Variants in SCG5 observed in about 807,000 individuals in gnomAD.
The protein encoded by SCG5 is secretogranin V.
In SCG5, 18 loss-of-function variants were observed where a neutral mutation model predicts 25.7. The observed-to-expected ratio is 0.70, with a 90% CI of 0.48 to 1.04. The LOEUF (loss-of-function observed/expected upper bound fraction) is 1.04, where lower values mean the gene tolerates loss of function less well. Among genes scored for constraint, SCG5 ranks in the 50% least tolerant of loss-of-function variants. The pLI is 0.00. For missense variants in SCG5, 206 were observed against 259.8 expected (o/e 0.79, Z 1.42); for synonymous variants, 101 against 91.7 (o/e 1.10, Z -0.58).
intron 2 of SCG5, 105 bp from the exon 3 acceptor site, chr15:32,679,661 C>G (rs2054581681): frequency 1.6e-6 from 2 of 1,247,190 alleles, no homozygotes; most frequent in Non-Finnish European, 2.3e-6. Flanking sequence ...TTTTCTCTCC[C>G]CACAGCAGAA....
At chr15:32,682,857 G>A (rs1489856569) in intron 3 of SCG5, among the ~76,000 whole-genome samples, 1 of 152,138 alleles carries the variant, frequency 6.6e-6, no homozygotes, top group African/African-American at 2.4e-5. Flanking sequence ...TAGAGCAGCA[G>A]AGCTCAAAGA....
Position 32,672,306 on chromosome 15 carries a change from G to A in SCG5, c.227-7460G>A, listed in dbSNP as rs578063504. On this transcript the variant is annotated intron_variant, in intron 2 of 5. Coordinates refer to ENST00000300175, the MANE Select transcript of SCG5 (RefSeq NM_001144757.3). Reference sequence around the variant, plus strand: ...CAATTCTTTATTGCCCAGCGCCAGTGCCCAATTGCATGAATCCCCAGGGCT... The same window carrying A: ...CAATTCTTTATTGCCCAGCGCCAGTACCCAATTGCATGAATCCCCAGGGCT... Among the ~76,000 whole-genome samples the A allele has an allele frequency of 3.9e-5, 6 of 152,360 alleles. No individual in the cohort carries two copies. The East Asian group carries it at 1.2e-3, about 29-fold the overall frequency.
At chr15:32,677,467 A>G (rs1392708695) in intron 2 of SCG5, 1 of 152,242 alleles carries the variant, frequency 6.6e-6, no homozygotes, top group African/African-American at 2.4e-5. Context: ...AATCCAACGA[A>G]GAGCTGGCTC....
At chr15:32,691,679 C>A (rs1309928893) in intron 4 of SCG5, 31 bp from the exon 5 acceptor site, 1 of 1,553,838 alleles carries the variant, frequency 6.4e-7, no homozygotes, top group Non-Finnish European at 8.8e-7. Context: ...CATACTTCTG[C>A]ATTTTTTGTT....
intron 2 of SCG5, among the ~76,000 whole-genome samples, chr15:32,645,103 C>T (rs1465944570): frequency 1.3e-5 from 2 of 152,250 alleles, no homozygotes; most frequent in African/African-American, 2.4e-5. Context: ...AGCTTCCTGT[C>T]ATCCCTTTTA....
chr15:32,696,807 T>C lies in SCG5; in HGVS notation c.*198T>C, dbSNP rs1397499022. On this transcript the variant is annotated 3_prime_UTR_variant, in exon 6 of 6. Transcript: ENST00000300175. ...TGCTAAATTAGAATAAGAGCTTTTT[T>C]GTTTCTTGGGTTTTTAAAATGTGAA... 4.7e-6 allele frequency: 2 copies of C among 429,524 alleles called. No individual in the cohort carries two copies. The highest frequency in any genetic ancestry group is 4.0e-5 in the African/African-American group (2 of 49,962). 26.6% of individuals were successfully genotyped at this position (429,524 alleles called of 1,614,324 possible). A position where few individuals can be genotyped will look rare whatever the true frequency, so the allele number is the denominator to read the frequency against.
At chr15:32,665,269 AT>A (rs1338564367) in intron 2 of SCG5, among the ~76,000 whole-genome samples, 3 of 151,964 alleles carry the variant, frequency 2.0e-5, no homozygotes, top group Non-Finnish European at 2.9e-5. Context: ...TTGTCAAGAA[AT>A]TTTTTTCTAT....
At chr15:32,657,199 G>GTATATATATATATATA (rs71113463) in intron 2 of SCG5, among the ~76,000 whole-genome samples, 127 of 6,642 alleles carry the variant, frequency 0.019, 34 homozygotes, top group East Asian at 0.035. Context: ...TCATCCTCCT[G>GTATATATATATATATA]TATATATATA....
chr15:32,683,527 T>C (rs1373711521), intron 3 of SCG5, among the ~76,000 whole-genome samples: 1 of 152,244 alleles, frequency 6.6e-6, no homozygotes. Flanking sequence ...AGTCATAGTA[T>C]AAACTGTCAG....
intron 2 of SCG5, among the ~76,000 whole-genome samples, chr15:32,646,194 T>C (rs1343316502): frequency 6.6e-6 from 1 of 152,266 alleles, no homozygotes; most frequent in African/African-American, 2.4e-5. Flanking sequence ...TTTCTATTAC[T>C]GTATAACAAA....
chr15:32,687,082 G>A (rs1187485108), intron 4 of SCG5, among the ~76,000 whole-genome samples: 1 of 151,856 alleles, frequency 6.6e-6, no homozygotes, highest in Non-Finnish European at 1.5e-5. Flanking sequence ...AAAGGAGGGA[G>A]ACTGAGTCAA....
At chr15:32,662,316 C>T (rs1457099144) in intron 2 of SCG5, among the ~76,000 whole-genome samples, 1 of 152,184 alleles carries the variant, frequency 6.6e-6, no homozygotes, top group Non-Finnish European at 1.5e-5. Context: ...ACTTATATGG[C>T]TGTGCTTTCT....
chr15:32,659,750 C>T (rs989333982), intron 2 of SCG5, among the ~76,000 whole-genome samples: 2 of 152,158 alleles, frequency 1.3e-5, no homozygotes, highest in Non-Finnish European at 2.9e-5. Flanking sequence ...GAGTGACTAA[C>T]GTTTTCCTCT....
At chr15:32,662,367 A>C (rs1249487982) in intron 2 of SCG5, among the ~76,000 whole-genome samples, 1 of 152,174 alleles carries the variant, frequency 6.6e-6, no homozygotes, top group African/African-American at 2.4e-5. Context: ...CTTGTTAACT[A>C]TAAGTATTAA....
At chr15:32,668,130 G>A (rs560824505) in intron 2 of SCG5, among the ~76,000 whole-genome samples, 17 of 152,162 alleles carry the variant, frequency 1.1e-4, no homozygotes, top group Non-Finnish European at 2.1e-4. Context: ...CACACCACGT[G>A]CCTTCTCCTC....
chr15:32,645,601 G>A (rs2053930721), intron 2 of SCG5, among the ~76,000 whole-genome samples: 1 of 152,166 alleles, frequency 6.6e-6, no homozygotes, highest in Non-Finnish European at 1.5e-5. Context: ...ATAAGGAAAT[G>A]CTGCTTTGAA....
rs62001857 is a variant in SCG5 at position 32,675,582 on chromosome 15, C to T, written c.227-4184C>T. On this transcript the variant is annotated intron_variant, in intron 2 of 5. Coordinates refer to ENST00000300175, the MANE Select transcript of SCG5 (RefSeq NM_001144757.3). ...ATGGGTAACCAACTAGAATGAAGAA[C>T]GAACTAGAGAACAGGAACTATGTCT... 3.4e-3 allele frequency among the ~76,000 whole-genome samples: 518 copies of T among 152,260 alleles called. 3 individuals are homozygous for T. Among genetic ancestry groups the T allele is most frequent in the Non-Finnish European group, 5.5e-3 (375 of 68,018 alleles).
intron 5 of SCG5, chr15:32,691,980 C>G: frequency 1.4e-6 from 2 of 1,420,066 alleles, no homozygotes; most frequent in Non-Finnish European, 1.8e-6. Context: ...TTTAGTGGAA[C>G]GCGCAGTCTG....
chr15:32,688,232 C>T (rs1178192245), intron 4 of SCG5, among the ~76,000 whole-genome samples: 1 of 152,198 alleles, frequency 6.6e-6, no homozygotes, highest in Non-Finnish European at 1.5e-5. Flanking sequence ...TGTGACTACA[C>T]CAGTGGTGAC....
Sources: gnomAD v4.1 joint callset for allele counts (sites outside exome capture counted in the v4.1 genomes callset) on GRCh38, gnomAD v4.1.1 for gene constraint, MANE v1.5 for transcripts, NCBI Gene and HGNC (gene_info 2026-07-23, HGNC 2026-07-21) for gene names.